PLEKHM2: variants seen among roughly 807,000 people sequenced by gnomAD.
PLEKHM2 encodes pleckstrin homology domain-containing family M member 2.
A neutral mutation model predicts 116.3 loss-of-function variants in PLEKHM2; 77 were observed. The ratio of observed to expected loss-of-function variants is 0.66; its 90% CI spans 0.55 to 0.80. The LOEUF (loss-of-function observed/expected upper bound fraction) is 0.80. Ranked by LOEUF, PLEKHM2 falls within the 30% of genes least tolerant of loss-of-function variation. The pLI, the probability that PLEKHM2 is intolerant of heterozygous loss-of-function variation, is 0.00. For synonymous variants in PLEKHM2, 562 were observed against 571.0 expected (o/e 0.98, Z 0.22); for missense variants, 1,183 against 1,354.9 (o/e 0.87, Z 1.99).
chr1:15,724,431 C>T (rs908766612), intron 7 of PLEKHM2, among the ~76,000 whole-genome samples: 61 of 151,694 alleles, frequency 4.0e-4, no homozygotes, highest in African/African-American at 7.5e-4. Flanking sequence ...TGTAGTGAGC[C>T]GGGCTCGCGC....
chr1:15,703,785 TC>T (rs1260830712), intron 1 of PLEKHM2, among the ~76,000 whole-genome samples: 1 of 152,146 alleles, frequency 6.6e-6, no homozygotes, highest in East Asian at 1.9e-4. Context: ...CACCCACACT[TC>T]CCCGAAGCAG....
At chr1:15,694,766 T>G (rs537930879) in intron 1 of PLEKHM2, among the ~76,000 whole-genome samples, 21 of 152,012 alleles carry the variant, frequency 1.4e-4, no homozygotes, top group East Asian at 5.8e-4. Context: ...GTTTTTTTTT[T>G]TTGTTTTTTG....
upstream of PLEKHM2, chr1:15,681,525 C>G (rs1312602245): frequency 4.3e-6 from 2 of 468,058 alleles, no homozygotes; most frequent in African/African-American, 4.0e-5. Context: ...CAGTGCTCAG[C>G]AGAAGATGGC....
rs1259457083 is a variant in PLEKHM2, at chr1:15,734,121, C to G, written c.*187C>G. 4.8e-6 allele frequency: 3 copies of G among 630,906 alleles called. No homozygotes were observed. The East Asian group carries it at 9.2e-5, about 19-fold the overall frequency. 39.1% of individuals were successfully genotyped at this position (630,906 alleles called of 1,614,324 possible). On this transcript the variant is annotated 3_prime_UTR_variant, in exon 20 of 20. Coordinates refer to ENST00000375799, the MANE Select transcript of PLEKHM2 (RefSeq NM_015164.4). ...GGGATCCAGATCAGGTGCCCGGCAC[C>G]CCTGGGCATCCTGCCCGACAGGTAG...
intron 1 of PLEKHM2, among the ~76,000 whole-genome samples, chr1:15,709,543 AT>A (rs1641288579): frequency 6.6e-6 from 1 of 152,094 alleles, no homozygotes; most frequent in South Asian, 2.1e-4. Context: ...TTTATAACCC[AT>A]TTTGCAGATG....
intron 14 of PLEKHM2, among the ~76,000 whole-genome samples, chr1:15,730,132 T>C (rs1369858116): frequency 6.6e-6 from 1 of 152,172 alleles, no homozygotes; most frequent in African/African-American, 2.4e-5. Flanking sequence ...ACCTGGGGTG[T>C]GTCCTAAGGT....
rs775889797 is a variant in PLEKHM2 at position 15,730,498 on chromosome 1, C to T, written c.2209-34C>T. 22 of 1,498,346 alleles carry T rather than the reference C, an allele frequency of 1.5e-5. No individual in the cohort carries two copies. In the South Asian group the frequency reaches 2.9e-4, roughly 20 times the overall value. The allele number at this position is 1,498,346 out of a possible 1,614,324, so 92.8% of individuals were successfully genotyped here. On this transcript the variant is annotated intron_variant, in intron 14 of 19. Coordinates refer to ENST00000375799, the MANE Select transcript of PLEKHM2 (RefSeq NM_015164.4). ...AGCCACCTGCCTGGCCCAGGCCTTA[C>T]TTGCTTTGTCCCCCGTGCCCGCCCC...
intron 1 of PLEKHM2, among the ~76,000 whole-genome samples, chr1:15,685,412 A>AT (rs1213086468): frequency 6.6e-6 from 1 of 151,244 alleles, no homozygotes; most frequent in East Asian, 1.9e-4. Flanking sequence ...ATAATAATAA[A>AT]TTTAAAAGAA....
intron 1 of PLEKHM2, among the ~76,000 whole-genome samples, chr1:15,714,803 C>G (rs1433385817): frequency 4.6e-5 from 7 of 152,222 alleles, no homozygotes; most frequent in Non-Finnish European, 8.8e-5. Context: ...TGTTCCACTC[C>G]CTTCTGGCCA....
intron 1 of PLEKHM2, among the ~76,000 whole-genome samples, chr1:15,698,596 G>A (rs1641050041): frequency 7.0e-6 from 1 of 143,340 alleles, no homozygotes; most frequent in Non-Finnish European, 1.5e-5. Context: ...TGCCCAGGCT[G>A]GAGTGCAATA....
chr1:15,734,069 G>C lies in PLEKHM2; in HGVS notation c.*135G>C. The C allele has an allele frequency of 1.0e-6, 1 of 995,862 alleles. No homozygotes were observed. The highest frequency in any genetic ancestry group is 1.4e-6 in the Non-Finnish European group (1 of 699,540). 61.7% of individuals were successfully genotyped at this position (995,862 alleles called of 1,614,324 possible). A position where few individuals can be genotyped will look rare whatever the true frequency, so the allele number is the denominator to read the frequency against. ...CCTGGGCGGCAGAACCACCGAGTGT[G>C]GCTTAAGACAGGGTCCCTCCACTCC... is the stretch of plus-strand genomic sequence containing the variant. On this transcript the variant is annotated 3_prime_UTR_variant, in exon 20 of 20. Transcript: ENST00000375799.
At chr1:15,731,136 C>T (rs376419525) in intron 15 of PLEKHM2, 56 bp from the exon 16 acceptor site, 125 of 1,335,890 alleles carry the variant, frequency 9.4e-5, no homozygotes, top group Middle Eastern at 9.0e-4. Flanking sequence ...ACCTGGGCTC[C>T]GCCTGGCCCC....
At position 15,725,435 on chromosome 1, in the gene PLEKHM2, A is replaced by G. The variant is rs533457525; in HGVS notation, c.831A>G (p.Ala277=). ...QRQNPFNEEP[A]ETVSSSDTTP... is the part of the protein sequence containing the mutation. ...AGAACCCCTTCAACGAGGAGCCGGC[A>G]GAGACTGTGTCCTCCTCTGACACCA... Residue 277 remains alanine (A), a synonymous_variant, in exon 8 of 20, where the codon GCA becomes GCG. Coordinates refer to ENST00000375799, the MANE Select transcript of PLEKHM2 (RefSeq NM_015164.4). 1,922 of 1,564,082 alleles carry G rather than the reference A, an allele frequency of 1.2e-3. 49 individuals carry two copies. The South Asian group carries it at 0.021, about 17-fold the overall frequency.
Position 15,733,988 on chromosome 1 carries a change from C to T in PLEKHM2, c.*54C>T. On this transcript the variant is annotated 3_prime_UTR_variant, in exon 20 of 20. Transcript: ENST00000375799. ...CAGGAAAGGAAGGCACGCCAGCCGG[C>T]AGGCACACTGTCACGGCTGTTGTCA... 1 of 1,563,522 alleles carries T rather than the reference C, an allele frequency of 6.4e-7. No homozygotes were observed. Among genetic ancestry groups the T allele is most frequent in the Non-Finnish European group, 8.7e-7 (1 of 1,153,062 alleles).
Position 15,727,137 on chromosome 1 carries a change from C to A in PLEKHM2, c.1065C>A (p.Asn355Lys), listed in dbSNP as rs377142193. Reference protein sequence around the residue: ...CAKQGDGDSRNGSPSLGRDSP... With the variant: ...CAKQGDGDSRKGSPSLGRDSP... The stretch of plus-strand genomic sequence containing the variant: ...AGCAGGGGGACGGTGACAGCCGCAA[C>A]GGCAGCCCAAGCCTTGGGCGGGACT... The change falls in exon 9 of 20, where the codon AAC (asparagine) becomes AAA (lysine). Residue 355 changes from asparagine (N) to lysine (K), a missense_variant. Transcript: ENST00000375799. This position sits in a 1 kb window ranked among gnomAD's most constrained non-coding sequence, Gnocchi z 7.5. The A allele has an allele frequency of 4.4e-6, 7 of 1,592,652 alleles. No individual in the cohort carries two copies. The highest frequency in any genetic ancestry group is 1.3e-5 in the African/African-American group (1 of 74,532).
chr1:15,703,834 C>A lies in PLEKHM2; in HGVS notation c.61-12403C>A, dbSNP rs142616461. 8.1e-4 allele frequency among the ~76,000 whole-genome samples: 124 copies of A among 152,282 alleles called. 1 individual carries two copies. Among genetic ancestry groups the A allele is most frequent in the African/African-American group, 2.6e-3 (108 of 41,552 alleles). Reference sequence around the variant, plus strand: ...CAGCCTTCCCAGAGCGCCTGGGAGCCCTGTGCTCCTGGCTTTGGGAGAGTC... The same window carrying A: ...CAGCCTTCCCAGAGCGCCTGGGAGCACTGTGCTCCTGGCTTTGGGAGAGTC... On this transcript the variant is annotated intron_variant, in intron 1 of 19. Transcript: ENST00000375799.
chr1:15,725,471 C>A lies in PLEKHM2; in HGVS notation c.867C>A (p.His289Gln). ...TVSSSDTTPV[H>Q]TTSQEKEEAQ... ...CCTCCTCTGACACCACCCCCGTGCA[C>A]ACCACCTCTCAGGAGAAGGAGGAGG... Residue 289 changes from histidine (H) to glutamine (Q), a missense_variant, in exon 8 of 20, where the codon CAC becomes CAA. Physicochemically the swap from His to Gln is conservative, Grantham distance 24. Transcript: ENST00000375799. 1 of 1,579,538 alleles carries A rather than the reference C, an allele frequency of 6.3e-7. No homozygotes were observed. Among genetic ancestry groups the A allele is most frequent in the East Asian group, 2.4e-5 (1 of 42,382 alleles).
In PLEKHM2 at chr1:15,727,182, C is replaced by T. The variant is rs547428777; in HGVS notation, c.1110C>T (p.Ala370=). ...GGGACTCGCCAGACACTATGCTTGC[C>T]TCCCCCCAGGAGGAGGGAGAGGGGC... The part of the protein sequence containing the change: ...LGRDSPDTML[A]SPQEEGEGPS... Residue 370 remains alanine (A), a synonymous_variant, in exon 9 of 20, where the codon GCC becomes GCT. Transcript: ENST00000375799. This position sits in a 1 kb window ranked among gnomAD's most constrained non-coding sequence, Gnocchi z 7.5. 29 of 1,604,904 alleles carry T rather than the reference C, an allele frequency of 1.8e-5. 1 individual carries two copies. The Admixed American group carries it at 4.2e-4, about 23-fold the overall frequency.
intron 1 of PLEKHM2, among the ~76,000 whole-genome samples, chr1:15,690,465 G>T (rs1230039538): frequency 6.6e-6 from 1 of 152,218 alleles, no homozygotes; most frequent in Non-Finnish European, 1.5e-5. Context: ...AAACTGCTCA[G>T]TTCTGCTCAA....
Sources: gnomAD v4.1 joint callset for allele counts (sites outside exome capture counted in the v4.1 genomes callset) on GRCh38, gnomAD v4.1.1 for gene constraint, Gnocchi (gnomAD v3.1) non-coding constraint, MANE v1.5 for transcripts, NCBI Gene and HGNC (gene_info 2026-07-23, HGNC 2026-07-21) for gene names.